Variants in RASAL2 observed in about 807,000 individuals in gnomAD.
RASAL2 encodes the protein RAS protein activator like 2, also known as ras GTPase-activating protein nGAP.
In RASAL2, 58 loss-of-function variants were observed where a neutral mutation model predicts 128.9. That is an observed-to-expected ratio of 0.45 (90% CI 0.36 to 0.56). The LOEUF is 0.56. Among genes scored for constraint, RASAL2 ranks in the 20% least tolerant of loss-of-function variants. RASAL2 has a pLI of 0.00. For synonymous variants in RASAL2, 561 were observed against 580.8 expected (o/e 0.97, Z 0.49); for missense variants, 1,360 against 1,601.6 (o/e 0.85, Z 2.57).
chr1:178,231,241 G>A lies in RASAL2; in HGVS notation c.203-52323G>A, dbSNP rs556154784. Among the ~76,000 whole-genome samples, 117 of 152,024 alleles carry A rather than the reference G, an allele frequency of 7.7e-4. 1 individual carries two copies. The highest frequency in any genetic ancestry group is 2.4e-3 in the Admixed American group (37 of 15,258). On this transcript the variant is annotated intron_variant, in intron 1 of 17. Transcript: ENST00000367649. ...GTGGTCACCTGACATTCCTGGTGGGGTGGGCCCTCTCCTGTCCTGTTCATG... is the reference window on the plus strand; with the variant it reads ...GTGGTCACCTGACATTCCTGGTGGGATGGGCCCTCTCCTGTCCTGTTCATG...
Position 178,295,627 on chromosome 1 carries a change from C to T in RASAL2, c.331-4365C>T, listed in dbSNP as rs139802051. 4.5e-3 allele frequency among the ~76,000 whole-genome samples: 687 copies of T among 152,190 alleles called. 3 individuals carry two copies. The highest frequency in any genetic ancestry group is 0.015 in the African/African-American group (636 of 41,520). On this transcript the variant is annotated intron_variant, in intron 2 of 17. Transcript: ENST00000367649. ...AACCTTAGTGAGCATCAGAATCAGT[C>T]GGAGGCTTGTTAAAACACAGATTGC...
chr1:178,242,422 ATTCTCT>A (rs1664541050), intron 1 of RASAL2, among the ~76,000 whole-genome samples: 2 of 91,956 alleles, frequency 2.2e-5, no homozygotes, highest in African/African-American at 8.0e-5. Context: ...TTTATAATTC[ATTCTCT>A]CTCTCTCTCT....
intron 3 of RASAL2, among the ~76,000 whole-genome samples, chr1:178,344,556 T>C (rs1670048489): frequency 6.6e-6 from 1 of 152,218 alleles, no homozygotes; most frequent in South Asian, 2.1e-4. Context: ...GTCTTGACCT[T>C]CAGCAGTCTC....
chr1:178,413,776 C>T (rs1674569617), intron 4 of RASAL2, among the ~76,000 whole-genome samples: 1 of 151,858 alleles, frequency 6.6e-6, no homozygotes, highest in Non-Finnish European at 1.5e-5. Context: ...AGATAGCATG[C>T]AAGAACAGAT....
intron 5 of RASAL2, among the ~76,000 whole-genome samples, chr1:178,428,916 C>G (rs1675703934): frequency 6.6e-6 from 1 of 152,046 alleles, no homozygotes; most frequent in South Asian, 2.1e-4. Flanking sequence ...TTTTTAGGCA[C>G]CCTCCAGGTT....
chr1:178,276,576 A>C (rs546658748), intron 1 of RASAL2, among the ~76,000 whole-genome samples: 1 of 151,402 alleles, frequency 6.6e-6, no homozygotes, highest in Non-Finnish European at 1.5e-5. Context: ...CAGTGGTGTG[A>C]TCATGGCCCA....
At chr1:178,418,695 G>A (rs902277029) in intron 4 of RASAL2, among the ~76,000 whole-genome samples, 4 of 152,202 alleles carry the variant, frequency 2.6e-5, no homozygotes, top group South Asian at 2.1e-4. Context: ...CACTGTGGCA[G>A]TCTATACTGT....
At chr1:178,445,384 TTTTTCCTTTCAGA>T (rs1016714344) in intron 8 of RASAL2, 121 bp from the exon 9 acceptor site, 1 of 1,075,052 alleles carries the variant, frequency 9.3e-7, no homozygotes, top group Non-Finnish European at 1.3e-6. Context: ...CTGATTGCTT[TTTTTCCTTTCAGA>T]TGAATCTGAT....
intron 1 of RASAL2, among the ~76,000 whole-genome samples, chr1:178,238,514 T>C (rs567972514): frequency 6.6e-6 from 1 of 152,292 alleles, no homozygotes; most frequent in African/African-American, 2.4e-5. Flanking sequence ...ATTTTCCATT[T>C]GTTATCTGAA....
At chr1:178,095,220 T>C (rs917656540) in intron 1 of RASAL2, among the ~76,000 whole-genome samples, 1 of 152,160 alleles carries the variant, frequency 6.6e-6, no homozygotes, top group African/African-American at 2.4e-5. Flanking sequence ...TTCCAACGGG[T>C]GTGGATTGTT....
At chr1:178,241,914 G>A (rs773657255) in intron 1 of RASAL2, among the ~76,000 whole-genome samples, 1 of 152,176 alleles carries the variant, frequency 6.6e-6, no homozygotes, top group African/African-American at 2.4e-5. Context: ...TCTTGCTATG[G>A]TGGTGTTTAC....
intron 1 of RASAL2, among the ~76,000 whole-genome samples, chr1:178,226,662 CA>C (rs1236116039): frequency 6.6e-6 from 1 of 152,062 alleles, no homozygotes; most frequent in African/African-American, 2.4e-5. Context: ...AAACTGTATC[CA>C]GGGCTGGACA....
intron 1 of RASAL2, among the ~76,000 whole-genome samples, chr1:178,095,489 G>C (rs529137185): frequency 6.6e-6 from 1 of 152,112 alleles, no homozygotes; most frequent in African/African-American, 2.4e-5. Flanking sequence ...ATATTGAAAC[G>C]GCAAGATGTT....
At chr1:178,129,837 T>A (rs973980877) in intron 1 of RASAL2, among the ~76,000 whole-genome samples, 9 of 152,204 alleles carry the variant, frequency 5.9e-5, no homozygotes, top group South Asian at 2.1e-4. Context: ...AAGATTTTCC[T>A]TTCCTCATTG....
chr1:178,442,356 C>T lies in RASAL2; in HGVS notation c.928-319C>T, dbSNP rs140957422. Among the ~76,000 whole-genome samples the T allele has an allele frequency of 8.3e-4, 127 of 152,196 alleles. 1 individual carries two copies. The highest frequency in any genetic ancestry group is 2.9e-3 in the African/African-American group (120 of 41,524). Reference sequence around the variant, plus strand: ...AGGGACTAGAATACGAGCTTCTTAACAGCTTATCTCTTTTATTTGCAGATA... The same window carrying T: ...AGGGACTAGAATACGAGCTTCTTAATAGCTTATCTCTTTTATTTGCAGATA... On this transcript the variant is annotated intron_variant, in intron 7 of 17. Coordinates refer to ENST00000367649, the MANE Select transcript of RASAL2 (RefSeq NM_170692.4).
chr1:178,167,611 T>A (rs774313459), intron 1 of RASAL2, among the ~76,000 whole-genome samples: 19 of 152,112 alleles, frequency 1.2e-4, no homozygotes, highest in Non-Finnish European at 2.6e-4. Context: ...TAACTACTAA[T>A]AGCCTACGGT....
chr1:178,426,468 C>T (rs1184917556), intron 5 of RASAL2, among the ~76,000 whole-genome samples: 1 of 152,104 alleles, frequency 6.6e-6, no homozygotes, highest in Non-Finnish European at 1.5e-5. Flanking sequence ...AGGAGAGACT[C>T]TGTCTCAATA....
intron 1 of RASAL2, among the ~76,000 whole-genome samples, chr1:178,225,062 A>G (rs1663740297): frequency 6.6e-6 from 1 of 151,770 alleles, no homozygotes; most frequent in African/African-American, 2.4e-5. Context: ...GTGTTTTTTT[A>G]TTTTTGCTGT....
chr1:178,281,738 A>G (rs576635849), intron 1 of RASAL2, among the ~76,000 whole-genome samples: 2 of 152,306 alleles, frequency 1.3e-5, no homozygotes, highest in Admixed American at 6.5e-5. Context: ...ATATTTCTAC[A>G]TAAAGTAGAT....
Sources: gnomAD v4.1 joint callset for allele counts (sites outside exome capture counted in the v4.1 genomes callset) on GRCh38, gnomAD v4.1.1 for gene constraint, MANE v1.5 for transcripts, NCBI Gene and HGNC (gene_info 2026-07-23, HGNC 2026-07-21) for gene names.